Variants in FBN2 observed in about 807,000 individuals in gnomAD.
The protein encoded by FBN2 is fibrillin 2.
Under a neutral mutation model 355.6 loss-of-function variants are expected in FBN2, and 105 were observed. The observed-to-expected ratio is 0.30, with a 90% CI of 0.25 to 0.35. The LOEUF is 0.35. FBN2 is among the 10% of genes least tolerant of loss of function. The pLI is 1.00. For synonymous variants in FBN2, 1,350 were observed against 1,301.2 expected (o/e 1.04, Z -0.81); for missense variants, 3,280 against 3,758.7 (o/e 0.87, Z 3.33).
At chr5:128,485,637 A>C (rs1347627369) in intron 5 of FBN2, among the ~76,000 whole-genome samples, 1 of 152,146 alleles carries the variant, frequency 6.6e-6, no homozygotes, top group African/African-American at 2.4e-5. Context: ...GAAATACCGG[A>C]TACAGTAAAT....
chr5:128,459,167 A>G (rs1754489314), intron 6 of FBN2, among the ~76,000 whole-genome samples: 1 of 152,198 alleles, frequency 6.6e-6, no homozygotes, highest in African/African-American at 2.4e-5. Flanking sequence ...AGAGAATACT[A>G]TAAACACCCC....
At chr5:128,361,432 T>G (rs1751635619) in intron 19 of FBN2, among the ~76,000 whole-genome samples, 1 of 152,222 alleles carries the variant, frequency 6.6e-6, no homozygotes, top group Non-Finnish European at 1.5e-5. Flanking sequence ...ACATTGTATT[T>G]CAGCAAGTAA....
intron 34 of FBN2, among the ~76,000 whole-genome samples, chr5:128,327,629 G>T (rs1581218600): frequency 6.9e-6 from 1 of 145,072 alleles, no homozygotes; most frequent in African/African-American, 2.6e-5. Context: ...TTGTTGGTTT[G>T]TTTGTTTTTG....
intron 48 of FBN2, among the ~76,000 whole-genome samples, chr5:128,297,900 G>T (rs1026072456): frequency 6.6e-6 from 1 of 151,350 alleles, no homozygotes; most frequent in Non-Finnish European, 1.5e-5. Context: ...TGGTTATTTT[G>T]CTCGTTAGTT....
chr5:128,305,760 A>G (rs1749853156), intron 43 of FBN2, 63 bp downstream of exon 43: 1 of 1,603,118 alleles, frequency 6.2e-7, no homozygotes. Flanking sequence ...ATCAGAAACC[A>G]TCTAAATGCT....
At chr5:128,361,274 C>T (rs932464520) in intron 19 of FBN2, among the ~76,000 whole-genome samples, 1 of 152,180 alleles carries the variant, frequency 6.6e-6, no homozygotes, top group Non-Finnish European at 1.5e-5. Flanking sequence ...ACTTAGTTCT[C>T]AAATATTTTG....
intron 33 of FBN2, among the ~76,000 whole-genome samples, chr5:128,329,305 A>C (rs1437034822): frequency 6.6e-6 from 1 of 152,204 alleles, no homozygotes; most frequent in Non-Finnish European, 1.5e-5. Context: ...ATGTCATTAC[A>C]ATCTTATAAA....
chr5:128,355,014 G>A (rs538848072), intron 20 of FBN2, among the ~76,000 whole-genome samples: 3 of 152,202 alleles, frequency 2.0e-5, no homozygotes, highest in African/African-American at 4.8e-5. Context: ...GTCCAAAGAC[G>A]GACTGGTGGA....
intron 7 of FBN2, among the ~76,000 whole-genome samples, chr5:128,413,687 G>A (rs1033675710): frequency 6.6e-6 from 1 of 152,012 alleles, no homozygotes; most frequent in Admixed American, 6.6e-5. Context: ...ACACCCTAGA[G>A]AGACTGTCCA....
intron 7 of FBN2, among the ~76,000 whole-genome samples, chr5:128,419,858 G>A (rs142178821): frequency 6.6e-6 from 1 of 151,952 alleles, no homozygotes; most frequent in Non-Finnish European, 1.5e-5. Flanking sequence ...ACCATGCCTG[G>A]CTAATTTTGT....
chr5:128,391,957 T>A, intron 11 of FBN2, 61 bp downstream of exon 11: 1 of 1,448,130 alleles, frequency 6.9e-7, no homozygotes, highest in South Asian at 1.1e-5. Context: ...TCCAATTTGA[T>A]CCTGTAATCT....
At chr5:128,303,589 A>C (rs1279045841) in intron 45 of FBN2, among the ~76,000 whole-genome samples, 1 of 152,210 alleles carries the variant, frequency 6.6e-6, no homozygotes, top group East Asian at 1.9e-4. Flanking sequence ...CTTCAAAAAA[A>C]CTGAATTAAG....
intron 36 of FBN2, among the ~76,000 whole-genome samples, chr5:128,316,977 C>T (rs1581211379): frequency 2.0e-5 from 3 of 152,166 alleles, no homozygotes; most frequent in East Asian, 1.9e-4. Flanking sequence ...TGGGCGACTG[C>T]TCCTCTGATT....
At chr5:128,524,634 G>A (rs1374293791) in intron 4 of FBN2, among the ~76,000 whole-genome samples, 2 of 152,104 alleles carry the variant, frequency 1.3e-5, no homozygotes, top group African/African-American at 4.8e-5. Context: ...ATTGAAAAAT[G>A]TTCCATCTGC....
At chr5:128,484,677 T>C (rs559914179) in intron 5 of FBN2, among the ~76,000 whole-genome samples, 14 of 152,202 alleles carry the variant, frequency 9.2e-5, no homozygotes, top group Non-Finnish European at 2.1e-4. Context: ...TTTTATGTCA[T>C]GTAGTTCTCA....
In FBN2 at chr5:128,537,866, T is replaced by G. The variant is rs927442808; in HGVS notation, c.-263A>C. 1 of 575,800 alleles carries G rather than the reference T, an allele frequency of 1.7e-6. No homozygotes were observed. Among genetic ancestry groups the G allele is most frequent in the African/African-American group, 1.9e-5 (1 of 52,186 alleles). The allele number at this position is 575,800 out of a possible 1,614,324, so 35.7% of individuals were successfully genotyped here. ...AGGTGCAGCCGGCAGCCCCGAGCGGTACACGTTGCATAACCGGCCTAAAGC... is the reference window on the plus strand; with the variant it reads ...AGGTGCAGCCGGCAGCCCCGAGCGGGACACGTTGCATAACCGGCCTAAAGC... On this transcript the variant is annotated 5_prime_UTR_variant, in exon 1 of 65. Coordinates refer to ENST00000262464, the MANE Select transcript of FBN2 (RefSeq NM_001999.4).
At chr5:128,319,979 TA>T (rs1447275324) in intron 34 of FBN2, among the ~76,000 whole-genome samples, 1 of 152,236 alleles carries the variant, frequency 6.6e-6, no homozygotes, top group Non-Finnish European at 1.5e-5. Context: ...ATCTTAAGTC[TA>T]AACAAGACTT....
rs899145001 is a variant in FBN2 at position 128,535,891 on chromosome 5, A to T, written c.337+511T>A. On this transcript the variant is annotated intron_variant, in intron 2 of 64. Transcript: ENST00000262464. Reference sequence around the variant, plus strand: ...AAGTTTGTTAACTTAGGTCAACACTAAATCCGCGAGAATGCTCCTTTCGTA... The same window carrying T: ...AAGTTTGTTAACTTAGGTCAACACTTAATCCGCGAGAATGCTCCTTTCGTA... Among the ~76,000 whole-genome samples the T allele has an allele frequency of 5.2e-4, 79 of 151,672 alleles. 1 individual carries two copies. Among genetic ancestry groups the T allele is most frequent in the African/African-American group, 1.9e-3 (78 of 41,348 alleles).
chr5:128,259,125 T>TA lies in FBN2; in HGVS notation c.*329dup, dbSNP rs1393780767. On this transcript the variant is annotated 3_prime_UTR_variant, in exon 65 of 65. Transcript: ENST00000262464. ...AAATACCCAAAGTGTTACAGACTGC[T>TA]AACAGGAAAAAAAAAAAAAGCTCAC... 1 of 255,930 alleles carries TA rather than the reference T, an allele frequency of 3.9e-6. No individual in the cohort carries two copies. Among genetic ancestry groups the TA allele is most frequent in the African/African-American group, 2.9e-5 (1 of 34,322 alleles). 15.9% of individuals were successfully genotyped at this position (255,930 alleles called of 1,614,324 possible). A position where few individuals can be genotyped will look rare whatever the true frequency, so the allele number is the denominator to read the frequency against.
Sources: allele counts gnomAD v4.1 joint callset (sites outside exome capture counted in the v4.1 genomes callset), GRCh38; gene constraint gnomAD v4.1.1; transcripts MANE v1.5; gene names NCBI Gene and HGNC (gene_info 2026-07-23, HGNC 2026-07-21).